Variants in OSBPL5 observed in about 807,000 individuals in gnomAD.
OSBPL5 encodes oxysterol binding protein like 5, also known as oxysterol-binding protein-related protein 5.
A neutral mutation model predicts 111.2 loss-of-function variants in OSBPL5; 71 were observed. The observed-to-expected ratio is 0.64, with a 90% confidence interval of 0.53 to 0.78. The LOEUF (loss-of-function observed/expected upper bound fraction) is 0.78. Ranked by LOEUF, OSBPL5 falls within the 30% of genes least tolerant of loss-of-function variation. OSBPL5 has a pLI of 0.00. For missense variants in OSBPL5, 1,210 were observed against 1,189.3 expected (o/e 1.02, Z -0.26); for synonymous variants, 549 against 513.9 (o/e 1.07, Z -0.93).
intron 1 of OSBPL5, among the ~76,000 whole-genome samples, chr11:3,132,642 C>T (rs189292039): frequency 1.6e-3 from 250 of 152,240 alleles, no homozygotes; most frequent in African/African-American, 5.6e-3. Flanking sequence ...TGAATGTGCC[C>T]GCCCACCATC....
intron 7 of OSBPL5, among the ~76,000 whole-genome samples, chr11:3,114,687 C>A (rs1858147946): frequency 6.7e-6 from 1 of 150,204 alleles, no homozygotes; most frequent in Admixed American, 6.6e-5. Context: ...CAAGCTCCAC[C>A]TCCTGGGTTC....
chr11:3,150,366 C>G (rs77169228), intron 1 of OSBPL5, among the ~76,000 whole-genome samples: 1 of 152,112 alleles, frequency 6.6e-6, no homozygotes. Flanking sequence ...CAGGCCTGTC[C>G]CAGGTTGTCT....
chr11:3,150,151 C>T (rs1846529210), intron 1 of OSBPL5, among the ~76,000 whole-genome samples: 1 of 152,168 alleles, frequency 6.6e-6, no homozygotes, highest in Non-Finnish European at 1.5e-5. Flanking sequence ...GGCACTGTTG[C>T]CCTCCTGCCC....
At chr11:3,159,227 G>A (rs187679289) in intron 1 of OSBPL5, among the ~76,000 whole-genome samples, 74 of 152,306 alleles carry the variant, frequency 4.9e-4, no homozygotes, top group Admixed American at 3.1e-3. Context: ...TGAGGCGGGC[G>A]CGGGGAAGAG....
At position 3,106,116 on chromosome 11, in the gene OSBPL5, C is replaced by T. The variant is rs1053499840; in HGVS notation, c.1059+1147G>A. Among the ~76,000 whole-genome samples, 2 of 152,180 alleles carry T rather than the reference C, an allele frequency of 1.3e-5. No homozygotes were observed. The highest frequency in any genetic ancestry group is 2.4e-5 in the African/African-American group (1 of 41,432). On this transcript the variant is annotated intron_variant, in intron 9 of 21. Coordinates refer to ENST00000263650, the MANE Select transcript of OSBPL5 (RefSeq NM_020896.4). This position sits in a 1 kb window ranked among gnomAD's most constrained non-coding sequence, Gnocchi z 8.4. ...AGGCCCATCCTAACCTTCCCATCCC[C>T]GCACAGGAGCCTGAGCTCTGTGGGA... is the stretch of plus-strand genomic sequence containing the variant.
chr11:3,135,188 T>C (rs376645372), intron 1 of OSBPL5, among the ~76,000 whole-genome samples: 1 of 152,254 alleles, frequency 6.6e-6, no homozygotes, highest in African/African-American at 2.4e-5. Flanking sequence ...CCTGGGTGGG[T>C]TCCCCTGAAC....
At chr11:3,160,788 C>T (rs950274922) in intron 1 of OSBPL5, 5 of 152,116 alleles carry the variant, frequency 3.3e-5, no homozygotes, top group African/African-American at 1.2e-4. Context: ...AGGCCCTTCC[C>T]CGCGAGGAAG....
At chr11:3,164,503 T>G (rs1336570781) in intron 1 of OSBPL5, 1 of 152,782 alleles carries the variant, frequency 6.5e-6, no homozygotes, top group African/African-American at 2.4e-5. Context: ...GCCTCCTTCC[T>G]GCCTGCCCCA....
In OSBPL5 at chr11:3,109,098, G is replaced by A. The variant is rs1857819280; in HGVS notation, c.692-1153C>T. 6.6e-6 allele frequency among the ~76,000 whole-genome samples: 1 copy of A among 150,778 alleles called. No homozygotes were observed. The highest frequency in any genetic ancestry group is 1.5e-5 in the Non-Finnish European group (1 of 67,774). On this transcript the variant is annotated intron_variant, in intron 7 of 21. Transcript: ENST00000263650. The surrounding 1 kb of genome is among the most constrained non-coding windows in gnomAD (Gnocchi z 7.4). ...GTGTGTTTTTTGTTTTTGTTTTTTT[G>A]TTGTTTTGAGATGGAGTCTCGCTCT...
At position 3,088,145 on chromosome 11, in the gene OSBPL5, A is replaced by G; in HGVS notation, c.*60T>C. On this transcript the variant is annotated 3_prime_UTR_variant, in exon 22 of 22. Transcript: ENST00000263650. ...CTCTGCCTCCATGGAGCAGGCTTAA[A>G]GTGCTGGGTGCCTGGGAGGGAGGGC... The G allele has an allele frequency of 6.9e-7, 1 of 1,443,876 alleles. No individual in the cohort carries two copies. Among genetic ancestry groups the G allele is most frequent in the Non-Finnish European group, 9.2e-7 (1 of 1,084,626 alleles). 89.4% of individuals were successfully genotyped at this position (1,443,876 alleles called of 1,614,324 possible).
At chr11:3,093,964 C>A in intron 15 of OSBPL5, 129 bp from the exon 16 acceptor site, 1 of 1,171,770 alleles carries the variant, frequency 8.5e-7, no homozygotes, top group Non-Finnish European at 1.2e-6. Context: ...GGACCCAACC[C>A]TCGCCAACGA....
intron 1 of OSBPL5, among the ~76,000 whole-genome samples, chr11:3,145,819 G>A (rs929804467): frequency 6.6e-6 from 1 of 152,190 alleles, no homozygotes; most frequent in Non-Finnish European, 1.5e-5. Flanking sequence ...TCAGTGGTTG[G>A]CAATGGGCAC....
intron 5 of OSBPL5, 135 bp from the exon 6 acceptor site, chr11:3,120,759 C>A (rs1436570593): frequency 3.3e-6 from 3 of 896,666 alleles, no homozygotes; most frequent in African/African-American, 3.3e-5. Flanking sequence ...CACTCCCCCA[C>A]ACCAGTTCGG....
intron 2 of OSBPL5, among the ~76,000 whole-genome samples, chr11:3,127,728 G>A (rs559526639): frequency 2.6e-5 from 4 of 152,256 alleles, no homozygotes; most frequent in African/African-American, 7.2e-5. Context: ...CCTCCTGGCC[G>A]GGAGGACTCA....
chr11:3,126,062 A>T lies in OSBPL5; in HGVS notation c.219+411T>A, dbSNP rs997366796. On this transcript the variant is annotated intron_variant, in intron 3 of 21. Transcript: ENST00000263650. This position sits in a 1 kb window ranked among gnomAD's most constrained non-coding sequence, Gnocchi z 6.5. ...ATGTGAGGAACTGGAGCCCTTGTGC[A>T]CTGTGGGTGGCCATGTAAGATGGTG... 6.6e-6 allele frequency among the ~76,000 whole-genome samples: 1 copy of T among 152,212 alleles called. No individual in the cohort carries two copies. The highest frequency in any genetic ancestry group is 1.5e-5 in the Non-Finnish European group (1 of 68,022).
At chr11:3,129,483 C>A (rs1301039571) in intron 1 of OSBPL5, among the ~76,000 whole-genome samples, 3 of 152,216 alleles carry the variant, frequency 2.0e-5, no homozygotes, top group Non-Finnish European at 2.9e-5. Flanking sequence ...CTGTGAGACC[C>A]TGGCTGCAGC....
rs1211075671 is a variant in OSBPL5, at chr11:3,140,077, G to A, written c.-21-10908C>T. Among the ~76,000 whole-genome samples, 1 of 152,230 alleles carries A rather than the reference G, an allele frequency of 6.6e-6. No homozygotes were observed. Among genetic ancestry groups the A allele is most frequent in the South Asian group, 2.1e-4 (1 of 4,836 alleles). On this transcript the variant is annotated intron_variant, in intron 1 of 21. Transcript: ENST00000263650. The surrounding 1 kb of genome is among the most constrained non-coding windows in gnomAD (Gnocchi z 4.5). ...GCAGCCTGGGAGGGGGGTGTGCAGT[G>A]GTCCGCCAAGCAGCACCTCTGCCAA...
In OSBPL5 at chr11:3,122,056, G is replaced by A; in HGVS notation, c.343C>T (p.Arg115Trp). 5.7e-6 allele frequency: 9 copies of A among 1,581,700 alleles called. No homozygotes were observed. Among genetic ancestry groups the A allele is most frequent in the Non-Finnish European group, 7.7e-6 (9 of 1,168,818 alleles). ...NYRQEKKRAT[R>W]QLLSALTDPS... The stretch of plus-strand genomic sequence containing the variant: ...TCTGTCAGAGCGCTGAGCAGCTGCC[G>A]TGTGGCGCGCTTCTTCTCCTGCCGG... The change falls in exon 5 of 22, where the codon CGG becomes TGG. Residue 115 changes from arginine to tryptophan, a missense_variant. Transcript: ENST00000263650.
chr11:3,160,672 T>TCCCCCCCCACCC (rs1846934690), intron 1 of OSBPL5, among the ~76,000 whole-genome samples: 1 of 122,442 alleles, frequency 8.2e-6, no homozygotes, highest in South Asian at 3.2e-4. Context: ...ATGACAACCC[T>TCCCCCCCCACCC]CCCCCCCCCC....
Sources: allele counts gnomAD v4.1 joint callset (sites outside exome capture counted in the v4.1 genomes callset), GRCh38; gene constraint gnomAD v4.1.1; non-coding constraint Gnocchi (gnomAD v3.1); transcripts MANE v1.5; gene names NCBI Gene and HGNC (gene_info 2026-07-23, HGNC 2026-07-21).